Variants in GRIN2B observed in about 807,000 individuals in gnomAD.
GRIN2B encodes glutamate ionotropic receptor NMDA type subunit 2B.
In GRIN2B, 5 loss-of-function variants were observed where a neutral mutation model predicts 114.5. The ratio of observed to expected loss-of-function variants is 0.04; its 90% confidence interval spans 0.02 to 0.09. The LOEUF is 0.09. Ranked by LOEUF, GRIN2B falls within the 10% of genes least tolerant of loss-of-function variation. The pLI, the probability that GRIN2B is intolerant of heterozygous loss-of-function variation, is 1.00. For missense variants in GRIN2B, 1,108 were observed against 1,943.5 expected, an observed-to-expected ratio of 0.57 and a Z score of 8.08; for synonymous variants, 787 against 745.1, an observed-to-expected ratio of 1.06 and a Z score of -0.92.
chr12:13,928,755 T>C (rs1220213778), intron 2 of GRIN2B, among the ~76,000 whole-genome samples: 4 of 152,174 alleles, frequency 2.6e-5, no homozygotes, highest in Non-Finnish European at 5.9e-5. Flanking sequence ...CAAAGGAAAA[T>C]GATCTTCAAA....
In GRIN2B at chr12:13,900,794, A is replaced by G. The variant is rs138679338; in HGVS notation, c.-18-34568T>C. Reference sequence around the variant, plus strand: ...CACTTAGAATCATACCATATGTATTATTTCCCCTCTTGCTTCTTTTACTCT... The same window carrying G: ...CACTTAGAATCATACCATATGTATTGTTTCCCCTCTTGCTTCTTTTACTCT... On this transcript the variant is annotated intron_variant, in intron 2 of 13. Transcript: ENST00000609686. Among the ~76,000 whole-genome samples, 82 of 152,222 alleles carry G rather than the reference A, an allele frequency of 5.4e-4. No individual in the cohort carries two copies. The Middle Eastern group carries it at 0.01, about 19-fold the overall frequency.
At chr12:13,606,380 A>C (rs944372364) in intron 10 of GRIN2B, among the ~76,000 whole-genome samples, 1 of 152,064 alleles carries the variant, frequency 6.6e-6, no homozygotes, top group Non-Finnish European at 1.5e-5. Context: ...GAGAGAGGGG[A>C]GGTGCCAGAC....
At chr12:13,866,359 C>T (rs940251929) in intron 2 of GRIN2B, 133 bp from the exon 3 acceptor site, 30 of 755,548 alleles carry the variant, frequency 4.0e-5, no homozygotes, top group Non-Finnish European at 5.9e-5. Flanking sequence ...ATCTACCAGC[C>T]TACTCTCTTA....
intron 2 of GRIN2B, among the ~76,000 whole-genome samples, chr12:13,919,297 G>A (rs912163364): frequency 1.4e-4 from 21 of 152,170 alleles, no homozygotes; most frequent in African/African-American, 4.8e-4. Context: ...CATATATCAT[G>A]TACGTAAAAA....
At chr12:13,981,018 C>T (rs1863126234) in intron 1 of GRIN2B, among the ~76,000 whole-genome samples, 1 of 152,196 alleles carries the variant, frequency 6.6e-6, no homozygotes, top group Non-Finnish European at 1.5e-5. Context: ...GGGGCTTCAC[C>T]TGCAACGTGT....
intron 5 of GRIN2B, among the ~76,000 whole-genome samples, chr12:13,658,668 TC>T (rs1447908035): frequency 2.6e-5 from 4 of 152,094 alleles, no homozygotes; most frequent in Non-Finnish European, 4.4e-5. Context: ...GTCCATCTAT[TC>T]CTTAAATTGT....
chr12:13,916,712 T>TACACACACAC (rs1156830012), intron 2 of GRIN2B, among the ~76,000 whole-genome samples: 21 of 96,906 alleles, frequency 2.2e-4, no homozygotes, highest in African/African-American at 7.7e-4. Context: ...CATATACATA[T>TACACACACAC]ACACACACAC....
At chr12:13,803,365 T>G (rs1864549466) in intron 3 of GRIN2B, among the ~76,000 whole-genome samples, 1 of 152,108 alleles carries the variant, frequency 6.6e-6, no homozygotes, top group Admixed American at 6.6e-5. Flanking sequence ...AAAGTGCCTG[T>G]CACATGCCAG....
At position 13,615,535 on chromosome 12, in the gene GRIN2B, A is replaced by G. The variant is rs763436882; in HGVS notation, c.1458T>C (p.His486=). 6 of 1,613,732 alleles carry G rather than the reference A, an allele frequency of 3.7e-6. No homozygotes were observed. In the East Asian group the frequency reaches 1.3e-4, roughly 36 times the overall value. ...YDLYLVTNGK[H]GKKINGTWNG... is the part of the protein sequence containing the mutation. ...TCCAGGTTCCATTGATTTTCTTCCC[A>G]TGCTTGCCATTGGTAACCAGGTAAA... The change falls in exon 7 of 14, where the codon CAT becomes CAC. Residue 486 remains histidine (H), a synonymous_variant. Transcript: ENST00000609686. This position sits in a 1 kb window ranked among gnomAD's most constrained non-coding sequence, Gnocchi z 5.8.
At chr12:13,687,982 AC>A (rs1749367274) in intron 4 of GRIN2B, among the ~76,000 whole-genome samples, 1 of 152,198 alleles carries the variant, frequency 6.6e-6, no homozygotes, top group South Asian at 2.1e-4. Flanking sequence ...CAACAATGTT[AC>A]CATTTATTGA....
chr12:13,542,163 C>A lies in GRIN2B; in HGVS notation c.*20620G>T, dbSNP rs1479823414. 1.3e-5 allele frequency: 2 copies of A among 152,092 alleles called. No homozygotes were observed. The highest frequency in any genetic ancestry group is 3.9e-4 in the East Asian group (2 of 5,188). The allele number at this position is 152,092 out of a possible 1,614,324, so 9.4% of individuals were successfully genotyped here. ...ACTGTTTCTGTCACAAAAGAAAATA[C>A]AAAATCAAAATGATCTGTCAGAGAA... On this transcript the variant is annotated 3_prime_UTR_variant, in exon 14 of 14. Transcript: ENST00000609686.
At chr12:13,619,773 AT>A (rs1949493166) in intron 5 of GRIN2B, among the ~76,000 whole-genome samples, 1 of 152,138 alleles carries the variant, frequency 6.6e-6, no homozygotes, top group African/African-American at 2.4e-5. Flanking sequence ...TTAATGTTTC[AT>A]TTTACAGATG....
chr12:13,634,610 T>G (rs1949649834), intron 5 of GRIN2B, among the ~76,000 whole-genome samples: 1 of 152,216 alleles, frequency 6.6e-6, no homozygotes, highest in South Asian at 2.1e-4. Context: ...CCATATTATG[T>G]TGGCTACGGG....
At chr12:13,706,035 A>T (rs1324413558) in intron 4 of GRIN2B, among the ~76,000 whole-genome samples, 1 of 152,158 alleles carries the variant, frequency 6.6e-6, no homozygotes, top group Non-Finnish European at 1.5e-5. Flanking sequence ...AGTAGAATAA[A>T]GTCCTTGAGA....
intron 4 of GRIN2B, among the ~76,000 whole-genome samples, chr12:13,747,408 T>C (rs1226081319): frequency 6.6e-6 from 1 of 152,236 alleles, no homozygotes; most frequent in Admixed American, 6.5e-5. Context: ...AGCTAACACA[T>C]GCATTGTTAT....
chr12:13,699,158 G>C (rs1358161801), intron 4 of GRIN2B, among the ~76,000 whole-genome samples: 1 of 152,142 alleles, frequency 6.6e-6, no homozygotes, highest in Non-Finnish European at 1.5e-5. Flanking sequence ...AGGATGGTGG[G>C]AATATCAGTG....
intron 2 of GRIN2B, among the ~76,000 whole-genome samples, chr12:13,905,516 A>G (rs1451756835): frequency 6.6e-6 from 1 of 152,210 alleles, no homozygotes; most frequent in African/African-American, 2.4e-5. Context: ...CAATAATTCC[A>G]AAGTCTGGAG....
chr12:13,733,747 A>G (rs1036638189), intron 4 of GRIN2B, among the ~76,000 whole-genome samples: 2 of 152,206 alleles, frequency 1.3e-5, no homozygotes, highest in African/African-American at 4.8e-5. Flanking sequence ...TTCATTGATC[A>G]CAGGGTTGGA....
At chr12:13,775,137 C>G (rs987351600) in intron 3 of GRIN2B, among the ~76,000 whole-genome samples, 1 of 152,136 alleles carries the variant, frequency 6.6e-6, no homozygotes, top group African/African-American at 2.4e-5. Context: ...TAGGCTGTCC[C>G]TTCGGCAGAT....
Sources: allele counts gnomAD v4.1 joint callset (sites outside exome capture counted in the v4.1 genomes callset), GRCh38; gene constraint gnomAD v4.1.1; non-coding constraint Gnocchi (gnomAD v3.1); transcripts MANE v1.5; gene names NCBI Gene and HGNC (gene_info 2026-07-23, HGNC 2026-07-21).